Variants in CCM2 observed in about 807,000 individuals in gnomAD.
The protein encoded by CCM2 is cerebral cavernous malformations 2 protein.
Under a neutral mutation model 44.9 loss-of-function variants are expected in CCM2, and 25 were observed. That is an observed-to-expected ratio of 0.56 (90% confidence interval 0.41 to 0.78). The LOEUF is 0.78. Among genes scored for constraint, CCM2 ranks in the 30% least tolerant of loss-of-function variants. CCM2 has a pLI of 0.00. For synonymous variants in CCM2, 219 were observed against 241.1 expected, an observed-to-expected ratio of 0.91 and a Z score of 0.85; for missense variants, 481 against 580.6, an observed-to-expected ratio of 0.83 and a Z score of 1.76.
chr7:45,010,599 A>G (rs760383534), intron 1 of CCM2, among the ~76,000 whole-genome samples: 28 of 151,834 alleles, frequency 1.8e-4, no homozygotes, highest in Non-Finnish European at 3.2e-4. Flanking sequence ...TTGTGTATAT[A>G]TATATATATT....
At chr7:45,050,196 A>G (rs1449689860) in intron 2 of CCM2, among the ~76,000 whole-genome samples, 4 of 152,270 alleles carry the variant, frequency 2.6e-5, no homozygotes, top group Admixed American at 6.5e-5. Context: ...GTATTCATAC[A>G]TTAACATGCT....
At chr7:45,028,925 C>T (rs573274200) in intron 1 of CCM2, among the ~76,000 whole-genome samples, 3 of 152,116 alleles carry the variant, frequency 2.0e-5, no homozygotes, top group South Asian at 2.1e-4. Flanking sequence ...GGGGATTTGT[C>T]GTAGTGCCTC....
chr7:45,000,416 AG>A, intron 1 of CCM2, 53 bp downstream of exon 1: 1 of 327,594 alleles, frequency 3.1e-6, no homozygotes, highest in Non-Finnish European at 4.5e-6. Context: ...GGCTGGGTTG[AG>A]GGGCCAGGGT....
intron 2 of CCM2, among the ~76,000 whole-genome samples, chr7:45,056,019 T>C (rs1167542095): frequency 1.3e-5 from 2 of 152,244 alleles, no homozygotes; most frequent in African/African-American, 4.8e-5. Context: ...AGCATTTCCA[T>C]TGCTTTTAAG....
rs779374000 is a variant in CCM2 at position 45,074,343 on chromosome 7, C to T, written c.989C>T (p.Ser330Phe). The T allele has an allele frequency of 2.5e-6, 4 of 1,613,820 alleles. No individual in the cohort carries two copies. Among genetic ancestry groups the T allele is most frequent in the Non-Finnish European group, 3.4e-6 (4 of 1,180,042 alleles). ...CTGCACGAGTACCGCAATGGGGCCTCTATCCACGAGTTCTGCATCAACCTG... is the reference window on the plus strand; with the variant it reads ...CTGCACGAGTACCGCAATGGGGCCTTTATCCACGAGTTCTGCATCAACCTG... ...ALLHEYRNGA[S>F]IHEFCINLRQ... is the part of the protein sequence containing the mutation. Residue 330 changes from serine (S) to phenylalanine (F), a missense_variant, in exon 9 of 10, where the codon TCT (serine) becomes TTT (phenylalanine). Transcript: ENST00000258781.
intron 2 of CCM2, among the ~76,000 whole-genome samples, chr7:45,059,623 C>G (rs943822604): frequency 6.6e-6 from 1 of 152,014 alleles, no homozygotes; most frequent in African/African-American, 2.4e-5. Flanking sequence ...GTGGCATGTG[C>G]GTGTAGTCTC....
intron 1 of CCM2, among the ~76,000 whole-genome samples, chr7:45,035,507 T>C (rs1413448853): frequency 6.6e-6 from 1 of 152,084 alleles, no homozygotes; most frequent in Non-Finnish European, 1.5e-5. Flanking sequence ...GGGGAACTAC[T>C]CTGGGTCTAT....
intron 1 of CCM2, among the ~76,000 whole-genome samples, chr7:45,035,407 C>T (rs1797168189): frequency 6.6e-6 from 1 of 152,184 alleles, no homozygotes; most frequent in Non-Finnish European, 1.5e-5. Context: ...TCCATGCTCT[C>T]CCCTACCACC....
At chr7:45,018,456 A>C (rs546212996) in intron 1 of CCM2, among the ~76,000 whole-genome samples, 1 of 151,992 alleles carries the variant, frequency 6.6e-6, no homozygotes, top group South Asian at 2.1e-4. Flanking sequence ...TCCTGGGTTC[A>C]AGTGATTCTT....
At position 45,076,389 on chromosome 7, in the gene CCM2, A is replaced by G. The variant is rs1309569219; in HGVS notation, c.*332A>G. 6.1e-6 allele frequency: 3 copies of G among 490,192 alleles called. No homozygotes were observed. The highest frequency in any genetic ancestry group is 4.4e-5 in the East Asian group (1 of 22,780). The allele number at this position is 490,192 out of a possible 1,614,324, so 30.4% of individuals were successfully genotyped here. Reference sequence around the variant, plus strand: ...CCTTGGACGGCTGTCAGTTTTGCACATGATGTTCCTATTGTAACTCTCAGA... The same window carrying G: ...CCTTGGACGGCTGTCAGTTTTGCACGTGATGTTCCTATTGTAACTCTCAGA... On this transcript the variant is annotated 3_prime_UTR_variant, in exon 10 of 10. Transcript: ENST00000258781.
intron 2 of CCM2, among the ~76,000 whole-genome samples, chr7:45,061,456 C>CTTTTTTTTTTTTTTTTTTTT (rs57140747): frequency 8.2e-6 from 1 of 122,284 alleles, no homozygotes; most frequent in Non-Finnish European, 1.7e-5. Context: ...TTCTTTCTTT[C>CTTTTTTTTTTTTTTTTTTTT]TTTTTTTTTT....
At chr7:45,006,631 A>G (rs1795859310) in intron 1 of CCM2, among the ~76,000 whole-genome samples, 1 of 152,212 alleles carries the variant, frequency 6.6e-6, no homozygotes, top group Admixed American at 6.5e-5. Context: ...GGCTTGAGCC[A>G]CCATGCCTGG....
chr7:45,031,613 A>G (rs1398842761), intron 1 of CCM2, among the ~76,000 whole-genome samples: 1 of 152,132 alleles, frequency 6.6e-6, no homozygotes, highest in East Asian at 1.9e-4. Context: ...GCTGGAGTGC[A>G]GTGGTGTGAT....
At chr7:45,045,619 GTCTC>G (rs1797715487) in intron 2 of CCM2, among the ~76,000 whole-genome samples, 1 of 152,238 alleles carries the variant, frequency 6.6e-6, no homozygotes, top group Non-Finnish European at 1.5e-5. Context: ...GTGAAACACT[GTCTC>G]TACTAAAAAT....
chr7:45,063,473 TTC>T (rs1453999840), intron 2 of CCM2, among the ~76,000 whole-genome samples: 2 of 152,208 alleles, frequency 1.3e-5, no homozygotes, highest in African/African-American at 4.8e-5. Context: ...AGCACTTCAT[TTC>T]TCTATTTATG....
chr7:45,045,101 A>G (rs959168911), intron 2 of CCM2, among the ~76,000 whole-genome samples: 3 of 152,164 alleles, frequency 2.0e-5, no homozygotes, highest in African/African-American at 4.8e-5. Context: ...TTTTCTTTCT[A>G]TCTGACATTA....
rs147668138 is a variant in CCM2, at chr7:45,027,715, G to C, written c.31-10538G>C. On this transcript the variant is annotated intron_variant, in intron 1 of 9. Coordinates refer to ENST00000258781, the MANE Select transcript of CCM2 (RefSeq NM_031443.4). ...AGAAGTGAGTAGAGAATGCATAGTAGCTGTCGGCAGAGGAGGAACCAGAAT... is the reference window on the plus strand; with the variant it reads ...AGAAGTGAGTAGAGAATGCATAGTACCTGTCGGCAGAGGAGGAACCAGAAT... 1.7e-4 allele frequency: 275 copies of C among 1,614,022 alleles called. 1 individual carries two copies. The African/African-American group carries it at 3.3e-3, about 19-fold the overall frequency.
At chr7:45,074,628 G>A (rs1046457226) in intron 9 of CCM2, among the ~76,000 whole-genome samples, 3 of 152,142 alleles carry the variant, frequency 2.0e-5, no homozygotes, top group East Asian at 1.9e-4. Flanking sequence ...GGGGCCCACC[G>A]ACAGGCCTTC....
chr7:45,068,582 G>A lies in CCM2; in HGVS notation c.609+3G>A. ...TCATCCTGGCTGCAGAGAGCAAGGT[G>A]AGACTTTCTCGCCCCACTTACTCAG... On this transcript the variant is annotated splice_donor_region_variant and intron_variant, in intron 5 of 9. Transcript: ENST00000258781. 6.2e-7 allele frequency: 1 copy of A among 1,613,864 alleles called. No homozygotes were observed. The highest frequency in any genetic ancestry group is 8.5e-7 in the Non-Finnish European group (1 of 1,179,998).
Sources: allele counts gnomAD v4.1 joint callset (sites outside exome capture counted in the v4.1 genomes callset), GRCh38; gene constraint gnomAD v4.1.1; transcripts MANE v1.5; gene names NCBI Gene and HGNC (gene_info 2026-07-23, HGNC 2026-07-21).